STK32B: variants seen among roughly 807,000 people sequenced by gnomAD.
STK32B encodes serine/threonine kinase 32B.
STK32B carries 43 observed loss-of-function variants against 52.6 expected under a neutral mutation model. The ratio of observed to expected loss-of-function variants is 0.82; its 90% CI spans 0.64 to 1.05. The LOEUF is 1.05. STK32B is among the 50% of genes least tolerant of loss of function. The pLI is 0.00. For synonymous variants in STK32B, 238 were observed against 204.3 expected (o/e 1.17, Z -1.41); for missense variants, 621 against 534.6 (o/e 1.16, Z -1.59).
At chr4:5,473,786 G>T (rs1718022960) in intron 11 of STK32B, among the ~76,000 whole-genome samples, 1 of 152,166 alleles carries the variant, frequency 6.6e-6, no homozygotes, top group Non-Finnish European at 1.5e-5. Context: ...GATGGAGGGT[G>T]CCCTGACTAA....
chr4:5,145,952 A>G (rs942413269), intron 2 of STK32B, among the ~76,000 whole-genome samples: 2 of 151,956 alleles, frequency 1.3e-5, no homozygotes, highest in Non-Finnish European at 2.9e-5. Context: ...ATATTTTTCT[A>G]TGTTTACTTT....
chr4:5,058,249 C>A lies in STK32B; in HGVS notation c.52+6334C>A, dbSNP rs186562780. Reference sequence around the variant, plus strand: ...ATCACTGTTCACCAACATCCTGTTCCCCTTTACTTTTCATGCACACACACA... The same window carrying A: ...ATCACTGTTCACCAACATCCTGTTCACCTTTACTTTTCATGCACACACACA... On this transcript the variant is annotated intron_variant, in intron 1 of 11. Transcript: ENST00000282908. This position sits in a 1 kb window ranked among gnomAD's most constrained non-coding sequence, Gnocchi z 4.8. 3.3e-4 allele frequency among the ~76,000 whole-genome samples: 51 copies of A among 152,322 alleles called. No homozygotes were observed. Among genetic ancestry groups the A allele is most frequent in the South Asian group, 2.7e-3 (13 of 4,820 alleles).
At chr4:5,066,856 C>T (rs890130268) in intron 1 of STK32B, among the ~76,000 whole-genome samples, 2 of 152,222 alleles carry the variant, frequency 1.3e-5, no homozygotes, top group Non-Finnish European at 2.9e-5. Flanking sequence ...ACTTATCTTT[C>T]TTCAAGATGC....
At chr4:5,347,654 C>A (rs1326723933) in intron 4 of STK32B, among the ~76,000 whole-genome samples, 1 of 152,126 alleles carries the variant, frequency 6.6e-6, no homozygotes, top group Non-Finnish European at 1.5e-5. Flanking sequence ...GAATTGTAAT[C>A]CCCACATGTC....
intron 4 of STK32B, among the ~76,000 whole-genome samples, chr4:5,332,259 T>C (rs1036269188): frequency 2.0e-5 from 3 of 152,208 alleles, no homozygotes. Flanking sequence ...GAAAGGGGAC[T>C]ACAGTCAAAA....
intron 1 of STK32B, among the ~76,000 whole-genome samples, chr4:5,119,319 C>T (rs138205825): frequency 1.5e-3 from 232 of 152,338 alleles, no homozygotes; most frequent in African/African-American, 5.1e-3. Flanking sequence ...TTGATATTCT[C>T]TTAGCTGGAA....
At chr4:5,039,400 A>C in the STK32B span, among the ~76,000 whole-genome samples, 1 of 152,190 alleles carries the variant, frequency 6.6e-6, no homozygotes, top group Non-Finnish European at 1.5e-5. Flanking sequence ...ACATTAGCCT[A>C]GGTCTCACAG....
At chr4:5,370,142 T>G in intron 4 of STK32B, among the ~76,000 whole-genome samples, 1 of 151,700 alleles carries the variant, frequency 6.6e-6, no homozygotes, top group Non-Finnish European at 1.5e-5. Context: ...CCCAAAGTGC[T>G]GGGATTACAG....
intron 11 of STK32B, among the ~76,000 whole-genome samples, chr4:5,494,028 TGTG>T (rs1180692063): frequency 1.3e-5 from 2 of 152,322 alleles, no homozygotes; most frequent in Admixed American, 6.5e-5. Context: ...ATAGGTGTGG[TGTG>T]GTGCTGAAAA....
At chr4:5,490,279 G>C (rs1247753578) in intron 11 of STK32B, among the ~76,000 whole-genome samples, 1 of 151,942 alleles carries the variant, frequency 6.6e-6, no homozygotes, top group Non-Finnish European at 1.5e-5. Flanking sequence ...GCTAATTTTT[G>C]TATTTTTAGT....
chr4:5,203,791 T>G (rs1466477225), intron 3 of STK32B, among the ~76,000 whole-genome samples: 1 of 152,178 alleles, frequency 6.6e-6, no homozygotes, highest in Non-Finnish European at 1.5e-5. Flanking sequence ...CCAGCTTCGT[T>G]ATGCTTCACC....
At chr4:5,443,079 T>A (rs1269703796) in intron 6 of STK32B, among the ~76,000 whole-genome samples, 1 of 151,004 alleles carries the variant, frequency 6.6e-6, no homozygotes, top group Non-Finnish European at 1.5e-5. Flanking sequence ...GACAATTATG[T>A]GTCTTGGAGT....
At chr4:5,279,587 T>C in intron 3 of STK32B, among the ~76,000 whole-genome samples, 1 of 152,188 alleles carries the variant, frequency 6.6e-6, no homozygotes, top group Non-Finnish European at 1.5e-5. Context: ...GGTAGCTTTT[T>C]CCTCACAGCT....
chr4:5,490,400 C>T (rs953968844), intron 11 of STK32B, among the ~76,000 whole-genome samples: 17 of 152,088 alleles, frequency 1.1e-4, no homozygotes, highest in South Asian at 2.1e-4. Flanking sequence ...AGCCACCACG[C>T]CTGGCCTGTT....
intron 4 of STK32B, among the ~76,000 whole-genome samples, chr4:5,390,741 G>A (rs943231818): frequency 5.9e-5 from 9 of 152,188 alleles, no homozygotes; most frequent in African/African-American, 1.9e-4. Flanking sequence ...CAACAGAAGT[G>A]TATTCTTTTA....
chr4:5,301,689 G>T (rs1729566679), intron 3 of STK32B, among the ~76,000 whole-genome samples: 1 of 136,366 alleles, frequency 7.3e-6, no homozygotes, highest in African/African-American at 2.7e-5. Flanking sequence ...GGACAGTCTA[G>T]CTAAAGTTTT....
intron 2 of STK32B, among the ~76,000 whole-genome samples, chr4:5,152,756 A>C (rs1462935514): frequency 2.0e-5 from 3 of 152,242 alleles, no homozygotes; most frequent in African/African-American, 7.2e-5. Flanking sequence ...AGTAAGCCTG[A>C]GGTGTGTGGA....
chr4:5,305,335 G>A (rs1729854922), intron 3 of STK32B, among the ~76,000 whole-genome samples: 1 of 151,828 alleles, frequency 6.6e-6, no homozygotes, highest in South Asian at 2.1e-4. Context: ...TTCTTTCCTT[G>A]GTAACTTTTT....
At chr4:5,195,548 C>A (rs894737110) in intron 3 of STK32B, among the ~76,000 whole-genome samples, 2 of 152,058 alleles carry the variant, frequency 1.3e-5, no homozygotes, top group Non-Finnish European at 2.9e-5. Flanking sequence ...TAAAAATTAC[C>A]CAAGCATGGT....
Sources: gnomAD v4.1 joint callset for allele counts (sites outside exome capture counted in the v4.1 genomes callset) on GRCh38, gnomAD v4.1.1 for gene constraint, Gnocchi (gnomAD v3.1) non-coding constraint, MANE v1.5 for transcripts, NCBI Gene and HGNC (gene_info 2026-07-23, HGNC 2026-07-21) for gene names.